Variants in MCC observed in about 807,000 individuals in gnomAD.
MCC encodes MCC regulator of Wnt signaling pathway, also known as colorectal mutant cancer protein.
A neutral mutation model predicts 116.2 loss-of-function variants in MCC; 90 were observed. The ratio of observed to expected loss-of-function variants is 0.77; its 90% CI spans 0.65 to 0.92. MCC has a LOEUF of 0.92. Ranked by LOEUF, MCC falls within the 40% of genes least tolerant of loss-of-function variation. The pLI, the probability that MCC is intolerant of heterozygous loss-of-function variation, is 0.00. For missense variants in MCC, 1,516 were observed against 1,312.2 expected (o/e 1.16, Z -2.40); for synonymous variants, 578 against 510.5 (o/e 1.13, Z -1.78).
chr5:113,418,189 C>T (rs938083024), intron 1 of MCC, among the ~76,000 whole-genome samples: 1 of 151,744 alleles, frequency 6.6e-6, no homozygotes, highest in Admixed American at 6.6e-5. Context: ...TTCAGCAGCA[C>T]AAACTCAAAT....
intron 11 of MCC, among the ~76,000 whole-genome samples, chr5:113,075,976 C>A (rs563857480): frequency 6.6e-6 from 1 of 152,282 alleles, no homozygotes; most frequent in South Asian, 2.1e-4. Context: ...CAGCTTCAGT[C>A]TTGAAGCCAG....
intron 12 of MCC, 72 bp from the exon 13 acceptor site, chr5:113,068,255 G>T: frequency 1.7e-6 from 2 of 1,185,936 alleles, no homozygotes; most frequent in Non-Finnish European, 2.5e-6. Context: ...GCCGGTTTCT[G>T]TGCAGGAGGC....
At chr5:113,187,457 C>A (rs1008786780) in intron 3 of MCC, among the ~76,000 whole-genome samples, 1 of 152,138 alleles carries the variant, frequency 6.6e-6, no homozygotes, top group Admixed American at 6.5e-5. Flanking sequence ...TGTCAACTCA[C>A]TGGGTTGTTC....
intron 1 of MCC, among the ~76,000 whole-genome samples, chr5:113,462,221 G>C (rs1446526935): frequency 6.6e-6 from 1 of 152,216 alleles, no homozygotes; most frequent in Non-Finnish European, 1.5e-5. Context: ...ATGTGACTCT[G>C]GCTAACCCAG....
intron 8 of MCC, among the ~76,000 whole-genome samples, chr5:113,096,643 T>C (rs1466337066): frequency 6.6e-6 from 1 of 152,166 alleles, no homozygotes; most frequent in African/African-American, 2.4e-5. Flanking sequence ...CGCAGAAGCA[T>C]TTAAATGCTG....
At chr5:113,030,602 T>A (rs1750884927) in intron 17 of MCC, among the ~76,000 whole-genome samples, 1 of 151,920 alleles carries the variant, frequency 6.6e-6, no homozygotes, top group Admixed American at 6.6e-5. Flanking sequence ...ATCGCTTGAG[T>A]CCAGGAGGTC....
chr5:113,366,097 C>T (rs554185166), intron 2 of MCC, among the ~76,000 whole-genome samples: 4 of 151,172 alleles, frequency 2.6e-5, no homozygotes, highest in Admixed American at 2.0e-4. Flanking sequence ...GTCCTCAAAC[C>T]CCTCTTTCAG....
At chr5:113,300,999 A>G (rs1253656458) in intron 3 of MCC, among the ~76,000 whole-genome samples, 1 of 152,212 alleles carries the variant, frequency 6.6e-6, no homozygotes, top group Admixed American at 6.5e-5. Flanking sequence ...ATAGATGAGG[A>G]TATGTAGGGT....
chr5:113,222,630 A>G (rs983971423), intron 3 of MCC, among the ~76,000 whole-genome samples: 9 of 152,256 alleles, frequency 5.9e-5, no homozygotes, highest in African/African-American at 1.4e-4. Context: ...AATGGAATGT[A>G]TAAGAAGAAG....
intron 1 of MCC, among the ~76,000 whole-genome samples, chr5:113,408,596 T>A (rs1293310455): frequency 1.3e-5 from 2 of 152,196 alleles, no homozygotes; most frequent in African/African-American, 4.8e-5. Context: ...AGCATCAGCA[T>A]GACCTGGGAA....
chr5:113,111,725 A>G (rs1282032888), intron 6 of MCC, among the ~76,000 whole-genome samples: 1 of 152,204 alleles, frequency 6.6e-6, no homozygotes, highest in Non-Finnish European at 1.5e-5. Flanking sequence ...ATTTCATTTA[A>G]AGTTGCATTT....
In MCC at chr5:113,180,418, G is replaced by A. The variant is rs1440090765; in HGVS notation, c.628-28996C>T. 2.0e-5 allele frequency among the ~76,000 whole-genome samples: 3 copies of A among 152,254 alleles called. No individual in the cohort carries two copies. In the East Asian group the frequency reaches 5.8e-4, roughly 29 times the overall value. On this transcript the variant is annotated intron_variant, in intron 3 of 18. Coordinates refer to ENST00000408903, the MANE Select transcript of MCC (RefSeq NM_001085377.2). ...GAGAACCCACCAGAAAAACCCACTTGTTACCCCTTATAGGCAGGATTACTG... is the reference window on the plus strand; with the variant it reads ...GAGAACCCACCAGAAAAACCCACTTATTACCCCTTATAGGCAGGATTACTG...
intron 3 of MCC, among the ~76,000 whole-genome samples, chr5:113,251,018 T>C (rs1764780762): frequency 6.6e-6 from 1 of 152,214 alleles, no homozygotes; most frequent in Admixed American, 6.5e-5. Context: ...AGGTAGAGAA[T>C]TTATCCAGAG....
At chr5:113,345,818 A>G (rs1273315631) in intron 2 of MCC, among the ~76,000 whole-genome samples, 1 of 152,262 alleles carries the variant, frequency 6.6e-6, no homozygotes, top group Non-Finnish European at 1.5e-5. Context: ...TTCAATGCCC[A>G]GACACTGAAT....
chr5:113,238,772 A>G (rs1400581737), intron 3 of MCC, among the ~76,000 whole-genome samples: 1 of 152,238 alleles, frequency 6.6e-6, no homozygotes, highest in African/African-American at 2.4e-5. Context: ...AGGTGATCCA[A>G]TATGGCAAGA....
At chr5:113,088,013 T>C (rs530926705) in intron 8 of MCC, among the ~76,000 whole-genome samples, 4 of 152,378 alleles carry the variant, frequency 2.6e-5, no homozygotes, top group Non-Finnish European at 4.4e-5. Context: ...TTGCTGTGTA[T>C]GTGCACACAT....
At chr5:113,289,878 G>A (rs1481570388) in intron 3 of MCC, among the ~76,000 whole-genome samples, 4 of 152,080 alleles carry the variant, frequency 2.6e-5, no homozygotes, top group Admixed American at 1.3e-4. Flanking sequence ...CTCTTCTTAC[G>A]CTTATGCTAA....
chr5:113,398,327 C>G (rs2150397694), intron 1 of MCC, among the ~76,000 whole-genome samples: 1 of 152,272 alleles, frequency 6.6e-6, no homozygotes, highest in Middle Eastern at 3.4e-3. Flanking sequence ...AATCCTATTA[C>G]TGGGTATATA....
At chr5:113,096,729 G>C (rs534460404) in intron 8 of MCC, among the ~76,000 whole-genome samples, 28 of 152,334 alleles carry the variant, frequency 1.8e-4, no homozygotes, top group African/African-American at 5.5e-4. Context: ...GTATGGATCA[G>C]AGACGTGCAC....
Sources: gnomAD v4.1 joint callset for allele counts (sites outside exome capture counted in the v4.1 genomes callset) on GRCh38, gnomAD v4.1.1 for gene constraint, MANE v1.5 for transcripts, NCBI Gene and HGNC (gene_info 2026-07-23, HGNC 2026-07-21) for gene names.